The following CCSER1 variants were observed in gnomAD, a reference collection of about 807,000 sequenced individuals.
The protein encoded by CCSER1 is serine-rich coiled-coil domain-containing protein 1.
In CCSER1, 41 loss-of-function variants were observed where a neutral mutation model predicts 82.0. That is an observed-to-expected ratio of 0.50 (90% CI 0.39 to 0.65). The LOEUF is 0.65. CCSER1 is among the 30% of genes least tolerant of loss of function. The pLI is 0.00. For synonymous variants in CCSER1, 414 were observed against 383.9 expected, an observed-to-expected ratio of 1.08 and a Z score of -0.92; for missense variants, 1,119 against 1,064.2, an observed-to-expected ratio of 1.05 and a Z score of -0.72.
intron 7 of CCSER1, among the ~76,000 whole-genome samples, chr4:90,790,775 G>T (rs895413179): frequency 8.5e-5 from 13 of 152,080 alleles, no homozygotes; most frequent in African/African-American, 3.1e-4. Flanking sequence ...ACATCCTCCT[G>T]TCTTCTGAGC....
intron 10 of CCSER1, among the ~76,000 whole-genome samples, chr4:91,390,056 G>A (rs1198084140): frequency 1.3e-5 from 2 of 151,842 alleles, no homozygotes; most frequent in East Asian, 1.9e-4. Context: ...ACCTACGTAT[G>A]TTTTATTTCC....
intron 10 of CCSER1, among the ~76,000 whole-genome samples, chr4:91,474,791 A>G (rs1296952949): frequency 3.0e-3 from 170 of 57,108 alleles, no homozygotes; most frequent in African/African-American, 8.1e-3. Flanking sequence ...ATTTGTGTAT[A>G]TATATATATA....
chr4:90,425,422 T>A (rs540702089), intron 4 of CCSER1, among the ~76,000 whole-genome samples: 1 of 152,304 alleles, frequency 6.6e-6, no homozygotes, highest in East Asian at 1.9e-4. Context: ...TTTCCAAATT[T>A]TGAGCACTTT....
chr4:91,116,737 C>T (rs1036656124), intron 10 of CCSER1, among the ~76,000 whole-genome samples: 1 of 152,060 alleles, frequency 6.6e-6, no homozygotes, highest in African/African-American at 2.4e-5. Flanking sequence ...TAACAGGCTG[C>T]CTTGTTTGGT....
intron 10 of CCSER1, among the ~76,000 whole-genome samples, chr4:91,170,447 CTG>C (rs995487120): frequency 7.9e-5 from 12 of 152,136 alleles, no homozygotes; most frequent in Non-Finnish European, 1.8e-4. Flanking sequence ...AAACACGTGA[CTG>C]TGTTATTTGT....
intron 5 of CCSER1, among the ~76,000 whole-genome samples, chr4:90,539,682 T>G (rs980729637): frequency 6.6e-6 from 1 of 152,104 alleles, no homozygotes; most frequent in Non-Finnish European, 1.5e-5. Context: ...ACAAAATAAG[T>G]AAGATTTACT....
chr4:90,917,625 C>T (rs1039292870), intron 8 of CCSER1, among the ~76,000 whole-genome samples: 1 of 152,006 alleles, frequency 6.6e-6, no homozygotes, highest in African/African-American at 2.4e-5. Context: ...AACAAACCTG[C>T]ACTTTGTGCA....
chr4:91,072,220 A>G (rs1721512302), intron 9 of CCSER1, among the ~76,000 whole-genome samples: 1 of 152,166 alleles, frequency 6.6e-6, no homozygotes, highest in African/African-American at 2.4e-5. Context: ...TATTTTAGTT[A>G]GCCTTAAGCA....
At chr4:90,140,689 G>A (rs1298266181) in intron 1 of CCSER1, among the ~76,000 whole-genome samples, 1 of 118,738 alleles carries the variant, frequency 8.4e-6, no homozygotes. Context: ...TTTTTGAGAC[G>A]GAGTCTTGCT....
intron 10 of CCSER1, among the ~76,000 whole-genome samples, chr4:91,112,366 T>C (rs4693264): frequency 0.1 from 15,157 of 152,168 alleles, 974 homozygotes; most frequent in East Asian, 0.27. Context: ...TTCTTAAGTT[T>C]TTATCTAATA....
At chr4:91,136,550 G>A (rs891792539) in intron 10 of CCSER1, among the ~76,000 whole-genome samples, 19 of 152,016 alleles carry the variant, frequency 1.2e-4, no homozygotes, top group African/African-American at 4.6e-4. Context: ...TAATTTATAA[G>A]TATATATAAA....
At chr4:91,296,109 C>G (rs1744142079) in intron 10 of CCSER1, among the ~76,000 whole-genome samples, 1 of 151,690 alleles carries the variant, frequency 6.6e-6, no homozygotes, top group Non-Finnish European at 1.5e-5. Context: ...TAGTTTGTCT[C>G]AAGTCTGAGT....
intron 8 of CCSER1, among the ~76,000 whole-genome samples, chr4:90,910,267 A>G (rs866360419): frequency 1.3e-5 from 2 of 152,234 alleles, no homozygotes; most frequent in African/African-American, 4.8e-5. Context: ...TGTAATTCAC[A>G]TGGGATTTGT....
chr4:90,789,224 C>T (rs1482629686), intron 7 of CCSER1, among the ~76,000 whole-genome samples: 1 of 152,108 alleles, frequency 6.6e-6, no homozygotes, highest in Non-Finnish European at 1.5e-5. Context: ...TTTTAATAAG[C>T]CTGGTGAAAA....
intron 2 of CCSER1, among the ~76,000 whole-genome samples, chr4:90,311,987 T>G (rs1735366204): frequency 6.6e-6 from 1 of 152,182 alleles, no homozygotes; most frequent in Non-Finnish European, 1.5e-5. Flanking sequence ...ATATATCAGA[T>G]GGTGATAACT....
chr4:90,918,049 A>T (rs555520105), intron 8 of CCSER1, among the ~76,000 whole-genome samples: 1 of 152,176 alleles, frequency 6.6e-6, no homozygotes, highest in Non-Finnish European at 1.5e-5. Flanking sequence ...ATCTTTTGCC[A>T]AACTTTCTTT....
intron 2 of CCSER1, among the ~76,000 whole-genome samples, chr4:90,310,682 T>TA (rs1292789185): frequency 3.9e-5 from 6 of 152,130 alleles, no homozygotes; most frequent in Non-Finnish European, 8.8e-5. Flanking sequence ...ATACAGCTGG[T>TA]AAGTAGTGCA....
At chr4:90,888,986 C>G (rs964364222) in intron 8 of CCSER1, among the ~76,000 whole-genome samples, 6 of 151,912 alleles carry the variant, frequency 3.9e-5, no homozygotes, top group African/African-American at 9.7e-5. Context: ...TGTCACATAG[C>G]AATGTCATAG....
At chr4:90,661,452 T>C (rs1397864136) in intron 6 of CCSER1, among the ~76,000 whole-genome samples, 2 of 152,106 alleles carry the variant, frequency 1.3e-5, no homozygotes, top group Non-Finnish European at 2.9e-5. Context: ...AGAAAAGTAA[T>C]TGAAGAATAG....
Sources: gnomAD v4.1 joint callset for allele counts (sites outside exome capture counted in the v4.1 genomes callset) on GRCh38, gnomAD v4.1.1 for gene constraint, MANE v1.5 for transcripts, NCBI Gene and HGNC (gene_info 2026-07-23, HGNC 2026-07-21) for gene names.